The following ITFG1 variants were observed in gnomAD, a reference collection of about 807,000 sequenced individuals.
ITFG1 encodes the protein integrin alpha FG-GAP repeat containing 1.
A neutral mutation model predicts 81.8 loss-of-function variants in ITFG1; 34 were observed. That is an observed-to-expected ratio of 0.42 (90% CI 0.32 to 0.55). ITFG1 has a LOEUF of 0.55. Among genes scored for constraint, ITFG1 ranks in the 20% least tolerant of loss-of-function variants. The pLI, the probability that ITFG1 is intolerant of heterozygous loss-of-function variation, is 0.17. For synonymous variants in ITFG1, 285 were observed against 270.6 expected, an observed-to-expected ratio of 1.05 and a Z score of -0.52; for missense variants, 672 against 755.4, an observed-to-expected ratio of 0.89 and a Z score of 1.29.
chr16:47,274,121 G>A (rs1164419705), intron 10 of ITFG1, among the ~76,000 whole-genome samples: 2 of 152,118 alleles, frequency 1.3e-5, no homozygotes, highest in African/African-American at 2.4e-5. Context: ...GCTGGGTGTG[G>A]TGGTGGGTGC....
intron 13 of ITFG1, among the ~76,000 whole-genome samples, chr16:47,228,303 A>T (rs1311812222): frequency 1.3e-5 from 2 of 152,230 alleles, no homozygotes; most frequent in Non-Finnish European, 2.9e-5. Context: ...AAAGCATGGT[A>T]AAACAGTACC....
intron 3 of ITFG1, 88 bp from the exon 4 acceptor site, chr16:47,452,878 C>T (rs888122946): frequency 1.6e-6 from 1 of 637,988 alleles, no homozygotes; most frequent in Non-Finnish European, 2.7e-6. Context: ...TTCTTCTACT[C>T]TTTTCTAGAT....
Position 47,260,568 on chromosome 16 carries a change from T to A in ITFG1, c.1198A>T (p.Thr400Ser). The A allele has an allele frequency of 6.2e-7, 1 of 1,614,172 alleles. No individual in the cohort carries two copies. The highest frequency in any genetic ancestry group is 1.1e-5 in the South Asian group (1 of 91,080). Residue 400 changes from threonine to serine, a missense_variant, in exon 11 of 18, where the codon ACC becomes TCC. Coordinates refer to ENST00000320640, the MANE Select transcript of ITFG1 (RefSeq NM_030790.5). ...ACATCTTCGTAAATGTCAAAGAAGG[T>A]GGCAACCATGGCATCCTTAATTTGA... ...LNQIKDAMVA[T>S]FFDIYEDGIL...
At chr16:47,346,210 T>A (rs1240558811) in intron 8 of ITFG1, among the ~76,000 whole-genome samples, 1 of 152,176 alleles carries the variant, frequency 6.6e-6, no homozygotes, top group Non-Finnish European at 1.5e-5. Context: ...TAATAAATTT[T>A]AAAAAACTGA....
At chr16:47,210,083 G>A (rs1965546178) in intron 14 of ITFG1, among the ~76,000 whole-genome samples, 1 of 152,096 alleles carries the variant, frequency 6.6e-6, no homozygotes, top group South Asian at 2.1e-4. Context: ...CAATTGCTGG[G>A]TCATACAGTA....
At chr16:47,417,110 T>C (rs1196175938) in intron 6 of ITFG1, among the ~76,000 whole-genome samples, 2 of 152,252 alleles carry the variant, frequency 1.3e-5, no homozygotes, top group Non-Finnish European at 2.9e-5. Flanking sequence ...TTGTCATCTT[T>C]GTATCTCATA....
In ITFG1 at chr16:47,418,769, T is replaced by C. The variant is rs1968904211; in HGVS notation, c.655+10035A>G. ...GTTTTTATACTAGTTCTATGTTGTT[T>C]TGGTTACTATAACTTTGTAGTATAT... On this transcript the variant is annotated intron_variant, in intron 6 of 17. Coordinates refer to ENST00000320640, the MANE Select transcript of ITFG1 (RefSeq NM_030790.5). Among the ~76,000 whole-genome samples the C allele has an allele frequency of 2.0e-5, 3 of 152,226 alleles. No homozygotes were observed. In the South Asian group the frequency reaches 6.2e-4, roughly 32 times the overall value.
At chr16:47,328,627 C>G (rs534799732) in intron 8 of ITFG1, among the ~76,000 whole-genome samples, 1 of 152,048 alleles carries the variant, frequency 6.6e-6, no homozygotes, top group South Asian at 2.1e-4. Context: ...TTAGCTTAAA[C>G]ATTCTTATTT....
chr16:47,267,632 T>G (rs1274680095), intron 10 of ITFG1, among the ~76,000 whole-genome samples: 2 of 152,152 alleles, frequency 1.3e-5, no homozygotes, highest in African/African-American at 4.8e-5. Flanking sequence ...CATGAAATAT[T>G]TATCAAGATA....
chr16:47,404,039 T>C (rs1400694257), intron 6 of ITFG1, among the ~76,000 whole-genome samples: 1 of 152,148 alleles, frequency 6.6e-6, no homozygotes. Context: ...AGAAATAAAG[T>C]GCACAATAAA....
chr16:47,178,041 G>T (rs1178884600), intron 14 of ITFG1, among the ~76,000 whole-genome samples: 2 of 152,166 alleles, frequency 1.3e-5, no homozygotes. Flanking sequence ...TGAGAATAAA[G>T]ATATTAACAT....
At chr16:47,419,855 G>A (rs1968921980) in intron 6 of ITFG1, among the ~76,000 whole-genome samples, 2 of 151,788 alleles carry the variant, frequency 1.3e-5, no homozygotes, top group East Asian at 1.9e-4. Context: ...CGCCCACCCC[G>A]GCCTCCCAAA....
chr16:47,299,194 T>G (rs1418532132), intron 10 of ITFG1, among the ~76,000 whole-genome samples: 2 of 152,204 alleles, frequency 1.3e-5, no homozygotes, highest in Non-Finnish European at 2.9e-5. Flanking sequence ...CTGTTTCCTT[T>G]TAGGCTGCAA....
At chr16:47,269,014 CT>C (rs915668122) in intron 10 of ITFG1, among the ~76,000 whole-genome samples, 2 of 152,200 alleles carry the variant, frequency 1.3e-5, no homozygotes, top group Admixed American at 1.3e-4. Context: ...ATTCTCAACA[CT>C]GTAAAGGGCA....
intron 8 of ITFG1, among the ~76,000 whole-genome samples, chr16:47,324,244 T>A (rs867492501): frequency 1.3e-5 from 2 of 151,830 alleles, no homozygotes; most frequent in African/African-American, 4.8e-5. Flanking sequence ...CTAAGCTTCA[T>A]AAGTGAAGGA....
At chr16:47,357,802 A>G (rs899776109) in intron 8 of ITFG1, among the ~76,000 whole-genome samples, 2 of 152,138 alleles carry the variant, frequency 1.3e-5, no homozygotes, top group African/African-American at 4.8e-5. Flanking sequence ...ATACCTTAAA[A>G]GAAACTAATA....
chr16:47,226,403 G>A (rs1473830276), intron 13 of ITFG1, among the ~76,000 whole-genome samples: 1 of 152,078 alleles, frequency 6.6e-6, no homozygotes, highest in Non-Finnish European at 1.5e-5. Context: ...TTAAGTTTTA[G>A]GGTACATGTG....
chr16:47,190,664 T>G (rs534364631), intron 14 of ITFG1, among the ~76,000 whole-genome samples: 1 of 152,342 alleles, frequency 6.6e-6, no homozygotes, highest in South Asian at 2.1e-4. Context: ...GTGTCAATAC[T>G]TCCATCTTTG....
intron 14 of ITFG1, among the ~76,000 whole-genome samples, chr16:47,180,840 GC>G (rs1296988963): frequency 3.3e-5 from 5 of 151,488 alleles, no homozygotes; most frequent in African/African-American, 1.2e-4. Flanking sequence ...CTGCCTGGCC[GC>G]CCATCGTCTG....
Sources: allele counts gnomAD v4.1 joint callset (sites outside exome capture counted in the v4.1 genomes callset), GRCh38; gene constraint gnomAD v4.1.1; transcripts MANE v1.5; gene names NCBI Gene and HGNC (gene_info 2026-07-23, HGNC 2026-07-21).